CFH: variants seen among roughly 807,000 people sequenced by gnomAD.
CFH encodes the protein H factor 1 (complement).
A neutral mutation model predicts 147.3 loss-of-function variants in CFH; 53 were observed. That is an observed-to-expected ratio of 0.36 (90% confidence interval 0.29 to 0.45). The LOEUF is 0.45. Among genes scored for constraint, CFH ranks in the 20% least tolerant of loss-of-function variants. The pLI, the probability that CFH is intolerant of heterozygous loss-of-function variation, is 1.00. For missense variants in CFH, 1,380 were observed against 1,498.0 expected, an observed-to-expected ratio of 0.92 and a Z score of 1.30; for synonymous variants, 536 against 489.4, an observed-to-expected ratio of 1.10 and a Z score of -1.26.
At chr1:196,668,066 C>CT (rs1404880207) in intron 1 of CFH, among the ~76,000 whole-genome samples, 2 of 151,976 alleles carry the variant, frequency 1.3e-5, no homozygotes, top group Non-Finnish European at 2.9e-5. Context: ...AGTCAAGGCT[C>CT]TTTTTTATTT....
chr1:196,726,704 A>G (rs770690370), intron 13 of CFH, 52 bp downstream of exon 13: 2 of 1,605,930 alleles, frequency 1.2e-6, no homozygotes, highest in African/African-American at 2.7e-5. Context: ...TGTATTTTGT[A>G]TCTAAAACAC....
intron 10 of CFH, among the ~76,000 whole-genome samples, chr1:196,714,594 AAT>A (rs1491576135): frequency 1.4e-5 from 1 of 73,848 alleles, no homozygotes; most frequent in Non-Finnish European, 2.5e-5. Flanking sequence ...ACCACTCAGT[AAT>A]ATGTGTGTGT....
At chr1:196,696,105 G>A (rs1668256918) in intron 9 of CFH, among the ~76,000 whole-genome samples, 1 of 151,946 alleles carries the variant, frequency 6.6e-6, no homozygotes, top group African/African-American at 2.4e-5. Context: ...ACTCAACTCT[G>A]GACCAACTGG....
intron 11 of CFH, among the ~76,000 whole-genome samples, chr1:196,716,483 A>T (rs1188108749): frequency 6.6e-6 from 1 of 152,136 alleles, no homozygotes; most frequent in African/African-American, 2.4e-5. Context: ...GAGTTTTAAG[A>T]AAAGGAATGG....
At chr1:196,720,141 T>G (rs899103768) in intron 11 of CFH, among the ~76,000 whole-genome samples, 1 of 151,928 alleles carries the variant, frequency 6.6e-6, no homozygotes, top group African/African-American at 2.4e-5. Flanking sequence ...TAGTTTCAGT[T>G]AAATAAAGTT....
At chr1:196,672,231 C>A (rs892768442) in intron 1 of CFH, among the ~76,000 whole-genome samples, 3 of 152,102 alleles carry the variant, frequency 2.0e-5, no homozygotes, top group Admixed American at 6.6e-5. Context: ...GATCTTCAAT[C>A]CATATCCAGA....
At chr1:196,735,822 G>A (rs35878624) in intron 15 of CFH, among the ~76,000 whole-genome samples, 3,078 of 151,988 alleles carry the variant, frequency 0.02, 98 homozygotes, top group African/African-American at 0.07. Context: ...TATCATAAGC[G>A]AAAAAAGAAA....
At chr1:196,687,452 A>G (rs544889) in intron 7 of CFH, among the ~76,000 whole-genome samples, 4,518 of 152,102 alleles carry the variant, frequency 0.03, 205 homozygotes, top group African/African-American at 0.098. Flanking sequence ...GTTTTTAATT[A>G]TGCCTCCTTT....
chr1:196,701,411 G>C (rs959407205), intron 9 of CFH: 3 of 1,608,278 alleles, frequency 1.9e-6, no homozygotes, highest in Middle Eastern at 1.7e-4. Flanking sequence ...TTTGAGTCTT[G>C]CCAGGTCAAT....
chr1:196,715,949 T>C (rs1221707053), intron 11 of CFH, among the ~76,000 whole-genome samples, 180 bp downstream of exon 11: 1 of 152,118 alleles, frequency 6.6e-6, no homozygotes, highest in Non-Finnish European at 1.5e-5. Flanking sequence ...AAGTAGTGCA[T>C]TAAATTAATA....
chr1:196,677,730 T>A, intron 5 of CFH, 63 bp downstream of exon 5: 1 of 1,431,442 alleles, frequency 7.0e-7, no homozygotes, highest in South Asian at 1.2e-5. Context: ...ATTTAAAACA[T>A]CGTTCATTCT....
intron 9 of CFH, among the ~76,000 whole-genome samples, chr1:196,711,275 G>C (rs1323443902): frequency 6.6e-6 from 1 of 152,072 alleles, no homozygotes; most frequent in Non-Finnish European, 1.5e-5. Flanking sequence ...GGTTATTGAA[G>C]TGGAACACCG....
intron 15 of CFH, among the ~76,000 whole-genome samples, chr1:196,729,251 A>G (rs1669225159): frequency 6.6e-6 from 1 of 152,092 alleles, no homozygotes; most frequent in South Asian, 2.1e-4. Flanking sequence ...GAGTCCTTAA[A>G]GAAGCAAATA....
intron 9 of CFH, among the ~76,000 whole-genome samples, chr1:196,708,275 C>T (rs1402263299): frequency 2.6e-5 from 4 of 152,182 alleles, no homozygotes; most frequent in Non-Finnish European, 5.9e-5. Context: ...GTTAGTCATA[C>T]TTGTCACTGA....
chr1:196,729,509 G>T (rs1396013190), intron 15 of CFH, among the ~76,000 whole-genome samples: 1 of 151,756 alleles, frequency 6.6e-6, no homozygotes, highest in African/African-American at 2.4e-5. Context: ...AGTGTTGAGG[G>T]GTTTTGTACC....
intron 9 of CFH, among the ~76,000 whole-genome samples, chr1:196,708,464 G>A (rs941018309): frequency 6.6e-6 from 1 of 152,140 alleles, no homozygotes; most frequent in Non-Finnish European, 1.5e-5. Flanking sequence ...GGCATACTGG[G>A]CAGACAAACG....
At chr1:196,719,249 C>T (rs1039864142) in intron 11 of CFH, among the ~76,000 whole-genome samples, 1 of 151,668 alleles carries the variant, frequency 6.6e-6, no homozygotes, top group African/African-American at 2.4e-5. Context: ...TGAATAATAC[C>T]CAATAATCAA....
At chr1:196,723,286 G>C (rs1182915936) in intron 11 of CFH, among the ~76,000 whole-genome samples, 3 of 151,956 alleles carry the variant, frequency 2.0e-5, no homozygotes, top group African/African-American at 7.3e-5. Context: ...GTTGTATAGG[G>C]CTATTTGGTT....
At chr1:196,671,344 T>C (rs1667269583) in intron 1 of CFH, among the ~76,000 whole-genome samples, 1 of 152,098 alleles carries the variant, frequency 6.6e-6, no homozygotes, top group Non-Finnish European at 1.5e-5. Context: ...GTGTATCTTT[T>C]AATTTTTATT....
Sources: gnomAD v4.1 joint callset for allele counts (sites outside exome capture counted in the v4.1 genomes callset) on GRCh38, gnomAD v4.1.1 for gene constraint, MANE v1.5 for transcripts, NCBI Gene and HGNC (gene_info 2026-07-23, HGNC 2026-07-21) for gene names.